Variants in PCDH15 observed in about 807,000 individuals in gnomAD.
The protein encoded by PCDH15 is protocadherin related 15, also known as protocadherin-15.
A neutral mutation model predicts 178.5 loss-of-function variants in PCDH15; 129 were observed. The observed-to-expected ratio is 0.72, with a 90% CI of 0.63 to 0.84. PCDH15 has a LOEUF of 0.84. Among genes scored for constraint, PCDH15 ranks in the 40% least tolerant of loss-of-function variants. The pLI is 0.00. For synonymous variants in PCDH15, 800 were observed against 732.0 expected (o/e 1.09, Z -1.50); for missense variants, 2,230 against 2,099.9 (o/e 1.06, Z -1.21).
At chr10:54,769,889 A>G (rs1403005129) in intron 1 of PCDH15, among the ~76,000 whole-genome samples, 1 of 152,058 alleles carries the variant, frequency 6.6e-6, no homozygotes, top group African/African-American at 2.4e-5. Context: ...TTTTGTCTGT[A>G]GTTCTCAATT....
intron 1 of PCDH15, among the ~76,000 whole-genome samples, chr10:54,761,576 G>A (rs10825396): frequency 0.56 from 84,757 of 151,498 alleles, 23,943 homozygotes; most frequent in Admixed American, 0.66. Context: ...CAAGCTACTC[G>A]GGAGGCTGAG....
At chr10:54,030,999 G>GA (rs1322695480) in intron 18 of PCDH15, among the ~76,000 whole-genome samples, 1 of 151,848 alleles carries the variant, frequency 6.6e-6, no homozygotes. Flanking sequence ...GGTGCAAGAA[G>GA]AAAAAAAGAC....
intron 2 of PCDH15, among the ~76,000 whole-genome samples, chr10:55,389,828 T>C (rs1837750829): frequency 6.6e-6 from 1 of 152,154 alleles, no homozygotes; most frequent in Non-Finnish European, 1.5e-5. Context: ...AAAAATGCCA[T>C]ATCGGTGAAA....
At chr10:54,490,014 A>T (rs2079437695) in intron 3 of PCDH15, among the ~76,000 whole-genome samples, 1 of 152,238 alleles carries the variant, frequency 6.6e-6, no homozygotes, top group Non-Finnish European at 1.5e-5. Flanking sequence ...CAAAATGAGA[A>T]AGCATTAGGA....
At chr10:54,036,626 G>A (rs1420777789) in intron 18 of PCDH15, among the ~76,000 whole-genome samples, 1 of 151,926 alleles carries the variant, frequency 6.6e-6, no homozygotes, top group Non-Finnish European at 1.5e-5. Context: ...CATTGAGAAT[G>A]CACCTGGTCA....
chr10:55,070,203 G>A (rs1211633864), intron 2 of PCDH15, among the ~76,000 whole-genome samples: 25 of 152,130 alleles, frequency 1.6e-4, no homozygotes, highest in Admixed American at 8.5e-4. Context: ...AGTAGGTTGC[G>A]AAAATTTTCT....
chr10:55,386,799 T>G (rs1837670448), intron 2 of PCDH15, among the ~76,000 whole-genome samples: 1 of 152,102 alleles, frequency 6.6e-6, no homozygotes, highest in African/African-American at 2.4e-5. Context: ...TATTTGACAA[T>G]GCAAACATTG....
At chr10:54,912,711 T>C (rs1954838565) in intron 2 of PCDH15, among the ~76,000 whole-genome samples, 1 of 152,074 alleles carries the variant, frequency 6.6e-6, no homozygotes, top group Non-Finnish European at 1.5e-5. Flanking sequence ...GACTTTGGAA[T>C]TGGGTAATGG....
At chr10:54,483,880 G>A (rs534610177) in intron 3 of PCDH15, among the ~76,000 whole-genome samples, 2 of 151,912 alleles carry the variant, frequency 1.3e-5, no homozygotes, top group Admixed American at 6.6e-5. Flanking sequence ...ACAAATAAGG[G>A]TGATGATGTT....
chr10:53,820,698 A>G, intron 32 of PCDH15, among the ~76,000 whole-genome samples: 1 of 152,078 alleles, frequency 6.6e-6, no homozygotes, highest in South Asian at 2.1e-4. Flanking sequence ...CACATATTAT[A>G]CATTATATAC....
At chr10:55,455,016 G>A (rs1334528) in intron 2 of PCDH15, among the ~76,000 whole-genome samples, 116,297 of 151,934 alleles carry the variant, frequency 0.77, 45,869 homozygotes, top group East Asian at 0.99. Context: ...TATGCTTTAT[G>A]TAAGTGCTTA....
At chr10:54,743,262 C>T (rs1196304974) in intron 1 of PCDH15, among the ~76,000 whole-genome samples, 1 of 151,924 alleles carries the variant, frequency 6.6e-6, no homozygotes, top group Non-Finnish European at 1.5e-5. Flanking sequence ...TTTATTCAGG[C>T]ATTTGAGGAA....
In PCDH15 at chr10:54,195,778, T is replaced by G. The variant is rs774211378; in HGVS notation, c.1210A>C (p.Ile404Leu). The G allele has an allele frequency of 6.2e-7, 1 of 1,614,086 alleles. No homozygotes were observed. Among genetic ancestry groups the G allele is most frequent in the Non-Finnish European group, 8.5e-7 (1 of 1,179,958 alleles). Residue 404 changes from isoleucine (I) to leucine (L), a missense_variant, in exon 11 of 38, where the codon ATC becomes CTC. By Grantham distance (5) the Ile-to-Leu change is conservative (BLOSUM62 2). Transcript: ENST00000644397. ...YFTMPSYQGY[I>L]LESAPVGATI... ...GCTCCCACTGGGGCAGATTCCAGGA[T>G]ATAGCCTTGATAACTGGGCATTGTA...
chr10:55,058,922 C>A (rs1841367915), intron 2 of PCDH15, among the ~76,000 whole-genome samples: 1 of 152,116 alleles, frequency 6.6e-6, no homozygotes, highest in African/African-American at 2.4e-5. Context: ...AGTAGCTTGT[C>A]TATGAGAACA....
At chr10:54,510,502 T>C (rs66929505) in intron 3 of PCDH15, among the ~76,000 whole-genome samples, 28,065 of 152,096 alleles carry the variant, frequency 0.18, 2,854 homozygotes, top group East Asian at 0.31. Context: ...TGAAACCATT[T>C]GTAGGAGATC....
chr10:54,966,834 A>T (rs1455889454), intron 2 of PCDH15, among the ~76,000 whole-genome samples: 1 of 152,112 alleles, frequency 6.6e-6, no homozygotes, highest in Non-Finnish European at 1.5e-5. Flanking sequence ...CTGTGAGTCC[A>T]TGTTACCTGT....
chr10:54,033,449 T>C (rs1044535749), intron 18 of PCDH15, among the ~76,000 whole-genome samples: 3 of 152,000 alleles, frequency 2.0e-5, no homozygotes, highest in African/African-American at 7.2e-5. Flanking sequence ...ATGCATGCTC[T>C]AGCCAAAAGA....
At chr10:54,522,456 C>T (rs2082977875) in intron 3 of PCDH15, among the ~76,000 whole-genome samples, 1 of 152,052 alleles carries the variant, frequency 6.6e-6, no homozygotes, top group African/African-American at 2.4e-5. Context: ...ATGTAAATTC[C>T]CTGGATGAAT....
At chr10:55,333,658 C>T (rs997045638) in intron 2 of PCDH15, among the ~76,000 whole-genome samples, 3 of 151,888 alleles carry the variant, frequency 2.0e-5, no homozygotes, top group African/African-American at 7.2e-5. Flanking sequence ...TAAAATAATA[C>T]AATTATGTAG....
Sources: gnomAD v4.1 joint callset for allele counts (sites outside exome capture counted in the v4.1 genomes callset) on GRCh38, gnomAD v4.1.1 for gene constraint, MANE v1.5 for transcripts, NCBI Gene and HGNC (gene_info 2026-07-23, HGNC 2026-07-21) for gene names.